Variants in GRID2 observed in about 807,000 individuals in gnomAD.
GRID2 encodes the protein glutamate ionotropic receptor delta type subunit 2, also known as glutamate receptor ionotropic, delta-2.
A neutral mutation model predicts 114.8 loss-of-function variants in GRID2; 33 were observed. The observed-to-expected ratio is 0.29, with a 90% CI of 0.22 to 0.38. The LOEUF (loss-of-function observed/expected upper bound fraction) is 0.38. Ranked by LOEUF, GRID2 falls within the 10% of genes least tolerant of loss-of-function variation. The pLI is 1.00. For missense variants in GRID2, 1,184 were observed against 1,257.7 expected (o/e 0.94, Z 0.89); for synonymous variants, 505 against 449.9 (o/e 1.12, Z -1.55).
intron 4 of GRID2, among the ~76,000 whole-genome samples, chr4:93,129,133 C>A (rs1734563317): frequency 6.6e-6 from 1 of 152,084 alleles, no homozygotes. Context: ...AATTTGGCAA[C>A]AAATATAGCT....
intron 2 of GRID2, among the ~76,000 whole-genome samples, chr4:92,909,530 G>A (rs76696259): frequency 0.017 from 2,637 of 152,034 alleles, 29 homozygotes; most frequent in East Asian, 0.053. Flanking sequence ...TTTGCCTAAC[G>A]CTGTCCTGAT....
At chr4:93,503,002 T>A (rs967711538) in intron 12 of GRID2, among the ~76,000 whole-genome samples, 1 of 152,062 alleles carries the variant, frequency 6.6e-6, no homozygotes, top group East Asian at 1.9e-4. Flanking sequence ...ATTTATAATC[T>A]CAAAATAGCA....
At chr4:92,909,701 G>A (rs1236723468) in intron 2 of GRID2, among the ~76,000 whole-genome samples, 1 of 152,068 alleles carries the variant, frequency 6.6e-6, no homozygotes, top group Non-Finnish European at 1.5e-5. Flanking sequence ...GATGTCTATA[G>A]TGATAACTTT....
chr4:92,818,903 C>T (rs1475802629), intron 2 of GRID2, among the ~76,000 whole-genome samples: 1 of 152,048 alleles, frequency 6.6e-6, no homozygotes, highest in Non-Finnish European at 1.5e-5. Context: ...AATTTATCTG[C>T]TTGATATACC....
chr4:93,289,392 G>A (rs962762708), intron 8 of GRID2, among the ~76,000 whole-genome samples: 1 of 152,116 alleles, frequency 6.6e-6, no homozygotes, highest in Non-Finnish European at 1.5e-5. Flanking sequence ...TCATAAAGCT[G>A]TTTATTGGAA....
intron 1 of GRID2, among the ~76,000 whole-genome samples, chr4:92,408,221 T>G (rs945422225): frequency 6.6e-6 from 1 of 152,018 alleles, no homozygotes; most frequent in African/African-American, 2.4e-5. Flanking sequence ...CATTGCTTAT[T>G]TTTATTGATT....
chr4:93,419,576 T>C (rs1260246711), intron 9 of GRID2, among the ~76,000 whole-genome samples: 1 of 152,002 alleles, frequency 6.6e-6, no homozygotes, highest in Non-Finnish European at 1.5e-5. Context: ...AAAACATTGA[T>C]CCAGATGAAG....
chr4:92,903,154 A>G (rs2149482476), intron 2 of GRID2, among the ~76,000 whole-genome samples: 1 of 151,828 alleles, frequency 6.6e-6, no homozygotes, highest in Non-Finnish European at 1.5e-5. Flanking sequence ...CAGTGTGGTC[A>G]TTTTAACGAT....
chr4:92,382,243 GA>G (rs151283844), intron 1 of GRID2, among the ~76,000 whole-genome samples: 8,525 of 151,592 alleles, frequency 0.056, 785 homozygotes, highest in African/African-American at 0.19. Context: ...AAGAGGAGCT[GA>G]AAAAAAATAT....
intron 4 of GRID2, among the ~76,000 whole-genome samples, chr4:93,162,948 A>T (rs1393804): frequency 6.6e-6 from 1 of 151,704 alleles, no homozygotes; most frequent in Non-Finnish European, 1.5e-5. Flanking sequence ...CAGGAATAAA[A>T]GCACTTACCG....
chr4:93,309,097 A>G (rs1755738539), intron 8 of GRID2, among the ~76,000 whole-genome samples: 1 of 152,158 alleles, frequency 6.6e-6, no homozygotes, highest in Non-Finnish European at 1.5e-5. Context: ...AATACATTAT[A>G]TATTTATCAT....
At chr4:92,769,793 A>G (rs1738451258) in intron 2 of GRID2, among the ~76,000 whole-genome samples, 1 of 152,116 alleles carries the variant, frequency 6.6e-6, no homozygotes, top group South Asian at 2.1e-4. Flanking sequence ...CCTAGACTGC[A>G]CATAGCACAG....
intron 4 of GRID2, among the ~76,000 whole-genome samples, chr4:93,175,049 T>G (rs1479303436): frequency 6.6e-6 from 1 of 152,338 alleles, no homozygotes; most frequent in East Asian, 1.9e-4. Flanking sequence ...TGCCATACAC[T>G]TTTTCTTGGC....
intron 8 of GRID2, among the ~76,000 whole-genome samples, chr4:93,278,389 G>A (rs1202050754): frequency 6.6e-6 from 1 of 151,968 alleles, no homozygotes; most frequent in Non-Finnish European, 1.5e-5. Flanking sequence ...GGGTTTGAGA[G>A]ATAGTCGTTA....
chr4:92,871,932 T>C (rs955547935), intron 2 of GRID2, among the ~76,000 whole-genome samples: 1 of 152,186 alleles, frequency 6.6e-6, no homozygotes, highest in Non-Finnish European at 1.5e-5. Flanking sequence ...GAGTAAGTCC[T>C]ATTCAATTAA....
chr4:92,345,174 A>G (rs1279383623), intron 1 of GRID2, among the ~76,000 whole-genome samples: 1 of 152,232 alleles, frequency 6.6e-6, no homozygotes, highest in African/African-American at 2.4e-5. Context: ...ACTTAGAATA[A>G]TAGCTTCCAG....
chr4:92,804,467 T>C (rs1386657852), intron 2 of GRID2, among the ~76,000 whole-genome samples: 4 of 151,882 alleles, frequency 2.6e-5, no homozygotes, highest in African/African-American at 9.7e-5. Flanking sequence ...GTAGAAGATA[T>C]TGTCTAGTTT....
intron 8 of GRID2, among the ~76,000 whole-genome samples, chr4:93,338,002 T>C (rs374833431): frequency 2.6e-5 from 4 of 152,316 alleles, no homozygotes; most frequent in African/African-American, 9.6e-5. Flanking sequence ...TGATTTGTTA[T>C]CTCTAACAAT....
intron 2 of GRID2, among the ~76,000 whole-genome samples, chr4:92,874,672 A>G (rs1275183328): frequency 1.3e-5 from 2 of 152,280 alleles, no homozygotes; most frequent in African/African-American, 2.4e-5. Flanking sequence ...TACAAATAAT[A>G]TTTTTCATCT....
Sources: allele counts gnomAD v4.1 joint callset (sites outside exome capture counted in the v4.1 genomes callset), GRCh38; gene constraint gnomAD v4.1.1; transcripts MANE v1.5; gene names NCBI Gene and HGNC (gene_info 2026-07-23, HGNC 2026-07-21).